TACO1: variants seen among roughly 807,000 people sequenced by gnomAD.
The protein encoded by TACO1 is translational activator of cytochrome c oxidase 1.
In TACO1, 13 loss-of-function variants were observed where a neutral mutation model predicts 24.0. The observed-to-expected ratio is 0.54, with a 90% CI of 0.35 to 0.86. TACO1 has a LOEUF of 0.86. Among genes scored for constraint, TACO1 ranks in the 40% least tolerant of loss-of-function variants. The pLI, the probability that TACO1 is intolerant of heterozygous loss-of-function variation, is 0.01. For missense variants in TACO1, 352 were observed against 380.1 expected, an observed-to-expected ratio of 0.93 and a Z score of 0.61; for synonymous variants, 149 against 153.5, an observed-to-expected ratio of 0.97 and a Z score of 0.22.
intron 2 of TACO1, among the ~76,000 whole-genome samples, chr17:63,604,944 G>A (rs1418034995): frequency 6.6e-6 from 1 of 151,758 alleles, no homozygotes; most frequent in Non-Finnish European, 1.5e-5. Context: ...AACCCAGGAG[G>A]TAGAGATTGC....
At chr17:63,601,539 G>A (rs2033821923) in intron 1 of TACO1, among the ~76,000 whole-genome samples, 176 bp downstream of exon 1, 1 of 152,212 alleles carries the variant, frequency 6.6e-6, no homozygotes, top group Non-Finnish European at 1.5e-5. Flanking sequence ...CTACGTTGGA[G>A]GTTCTCACTC....
At chr17:63,602,516 T>TTTTATTTATTTA (rs149776147) in intron 1 of TACO1, among the ~76,000 whole-genome samples, 1 of 151,366 alleles carries the variant, frequency 6.6e-6, no homozygotes, top group African/African-American at 2.4e-5. Flanking sequence ...TTCAAGCAAC[T>TTTTATTTATTTA]TTTATTTATT....
chr17:63,601,250 TC>T lies in TACO1; in HGVS notation c.171del (p.Ala58ProfsTer29). 1 of 1,609,570 alleles carries T rather than the reference TC, an allele frequency of 6.2e-7. No individual in the cohort carries two copies. Among genetic ancestry groups the T allele is most frequent in the East Asian group, 2.2e-5 (1 of 44,736 alleles). ...AGGACGCTGCACTTTACCGCGGCTG[TC>T]CCCGCCGGGCACAACAAGTGGTCCA... ...PGRTLHFTAA[V>X]PAGHNKWSKV... is the part of the protein sequence containing the mutation. On this transcript the variant is annotated frameshift_variant, in exon 1 of 5. Transcript: ENST00000258975. LOFTEE classifies it high-confidence loss of function.
rs1011269235 is a variant in TACO1 at position 63,608,344 on chromosome 17, A to G, written c.*342A>G. The G allele has an allele frequency of 5.3e-6, 2 of 374,872 alleles. No individual in the cohort carries two copies. The highest frequency in any genetic ancestry group is 3.7e-5 in the Admixed American group (1 of 27,042). The allele number at this position is 374,872 out of a possible 1,614,324, so 23.2% of individuals were successfully genotyped here. On this transcript the variant is annotated 3_prime_UTR_variant, in exon 5 of 5. Coordinates refer to ENST00000258975, the MANE Select transcript of TACO1 (RefSeq NM_016360.4). ...GTACTAGAAACTGCTCTTAATAATAACGGTGATTATTGGTTGCTGCATTGC... is the reference window on the plus strand; with the variant it reads ...GTACTAGAAACTGCTCTTAATAATAGCGGTGATTATTGGTTGCTGCATTGC...
At chr17:63,605,721 G>A (rs1197912812) in intron 2 of TACO1, among the ~76,000 whole-genome samples, 1 of 152,182 alleles carries the variant, frequency 6.6e-6, no homozygotes, top group Admixed American at 6.5e-5. Context: ...GAAAGAGGAA[G>A]GGAGAAGTTA....
intron 1 of TACO1, among the ~76,000 whole-genome samples, chr17:63,604,071 C>T (rs1433174271): frequency 1.3e-5 from 2 of 151,898 alleles, no homozygotes; most frequent in Non-Finnish European, 2.9e-5. Flanking sequence ...GGGGCAGTGG[C>T]TCACACTTGT....
At chr17:63,602,399 T>A (rs2033829313) in intron 1 of TACO1, among the ~76,000 whole-genome samples, 1 of 152,206 alleles carries the variant, frequency 6.6e-6, no homozygotes, top group South Asian at 2.1e-4. Flanking sequence ...CTTGAGGTAG[T>A]TTATGGTTTA....
intron 3 of TACO1, 29 bp downstream of exon 3, chr17:63,606,469 G>T: frequency 6.2e-7 from 1 of 1,613,766 alleles, no homozygotes; most frequent in Non-Finnish European, 8.5e-7. Flanking sequence ...GGAGTGGTAG[G>T]GGACAGAGCC....
intron 1 of TACO1, among the ~76,000 whole-genome samples, chr17:63,602,558 ACT>A (rs2033830311): frequency 6.6e-6 from 1 of 151,738 alleles, no homozygotes; most frequent in Admixed American, 6.6e-5. Flanking sequence ...ACAGAGTCTC[ACT>A]CTGTCACCCA....
In TACO1 at chr17:63,607,310, G is replaced by A. The variant is rs753606262; in HGVS notation, c.539G>A (p.Arg180His). ...KNGGVMAVGA[R>H]HSFDKKGVIV... ...AGAGGAGTGATGGCTGTAGGAGCTC[G>A]TCACTCTTTTGACAAAAAGGGGGTG... Residue 180 changes from arginine (R) to histidine (H), a missense_variant, in exon 4 of 5, where the codon CGT (arginine) becomes CAT (histidine). Transcript: ENST00000258975. The A allele has an allele frequency of 1.5e-5, 25 of 1,614,008 alleles. No individual in the cohort carries two copies. In the South Asian group the frequency reaches 1.8e-4, roughly 11 times the overall value.
At chr17:63,603,845 G>C (rs942531318) in intron 1 of TACO1, among the ~76,000 whole-genome samples, 5 of 151,600 alleles carry the variant, frequency 3.3e-5, no homozygotes, top group Admixed American at 1.3e-4. Flanking sequence ...GTGAAAACCT[G>C]AATCTACAAA....
At position 63,606,414 on chromosome 17, in the gene TACO1, C is replaced by T. The variant is rs757678405; in HGVS notation, c.489C>T (p.Asp163=). ...LSNSSHKCQA[D]IRHILNKNGG... is the part of the protein sequence containing the mutation. ...ACAGTAGCCACAAGTGCCAAGCAGA[C>T]ATTAGACATATCCTGAATAAGAATG... The change falls in exon 3 of 5, where the codon GAC becomes GAT. Residue 163 remains aspartate (D), a synonymous_variant. Coordinates refer to ENST00000258975, the MANE Select transcript of TACO1 (RefSeq NM_016360.4). 1 of 1,614,226 alleles carries T rather than the reference C, an allele frequency of 6.2e-7. No homozygotes were observed. The highest frequency in any genetic ancestry group is 1.3e-5 in the African/African-American group (1 of 75,062).
At chr17:63,606,261 A>C in intron 2 of TACO1, 52 bp from the exon 3 acceptor site, 1 of 1,611,130 alleles carries the variant, frequency 6.2e-7, no homozygotes, top group Middle Eastern at 2.2e-4. Context: ...CTGGGCTGAC[A>C]TGTGGGAAGG....
In TACO1 at chr17:63,606,460, G is replaced by T. The variant is rs1414173897; in HGVS notation, c.515+20G>T. ...GAATGGGTAAGTGTGCGTCTGGGAG[G>T]AGTGGTAGGGGACAGAGCCTTTATG... is the stretch of plus-strand genomic sequence containing the variant. On this transcript the variant is annotated intron_variant, in intron 3 of 4. Coordinates refer to ENST00000258975, the MANE Select transcript of TACO1 (RefSeq NM_016360.4). The T allele has an allele frequency of 1.2e-6, 2 of 1,614,032 alleles. No individual in the cohort carries two copies. The highest frequency in any genetic ancestry group is 1.1e-5 in the South Asian group (1 of 91,072).
rs995091576 is a variant in TACO1, at chr17:63,600,953, G to A, written c.-131G>A. The A allele has an allele frequency of 1.5e-5, 17 of 1,110,690 alleles. No individual in the cohort carries two copies. Among genetic ancestry groups the A allele is most frequent in the Admixed American group, 1.5e-4 (7 of 46,696 alleles). 68.8% of individuals were successfully genotyped at this position (1,110,690 alleles called of 1,614,324 possible). ...TTAGCTGTTGAGCCGCCCCGGGCGG[G>A]CCCAAGCCTTTGGATCTCAGGTGAC... On this transcript the variant is annotated 5_prime_UTR_variant, in exon 1 of 5. Coordinates refer to ENST00000258975, the MANE Select transcript of TACO1 (RefSeq NM_016360.4).
Position 63,604,632 on chromosome 17 carries a change from A to T in TACO1, c.379A>T (p.Lys127Ter). ...MPKSTIETAL[K>*]MEKSKDTYLL... ...CAAGTCAACGATTGAGACAGCACTG[A>T]AAATGGAGGTGTGTACTGTTTGACA... The change falls in exon 2 of 5, where the codon AAA becomes TAA. Residue 127 changes from lysine to a stop codon, truncating the protein, a stop_gained. Transcript: ENST00000258975. LOFTEE classifies it high-confidence loss of function. 6.2e-7 allele frequency: 1 copy of T among 1,613,852 alleles called. No individual in the cohort carries two copies. Among genetic ancestry groups the T allele is most frequent in the Non-Finnish European group, 8.5e-7 (1 of 1,179,734 alleles).
chr17:63,606,361 T>C lies in TACO1; in HGVS notation c.436T>C (p.Ser146Pro). ...LLYEGRGPGG[S>P]SLLIEALSNS... ...GTATGAGGGTCGAGGCCCTGGTGGC[T>C]CTTCTCTGCTCATCGAGGCATTATC... is the stretch of plus-strand genomic sequence containing the variant. The change falls in exon 3 of 5, where the codon TCT becomes CCT. Residue 146 changes from serine to proline, a missense_variant. Ser to Pro is a moderately conservative substitution (Grantham distance 74). Coordinates refer to ENST00000258975, the MANE Select transcript of TACO1 (RefSeq NM_016360.4). 1.2e-6 allele frequency: 2 copies of C among 1,614,118 alleles called. No individual in the cohort carries two copies. Among genetic ancestry groups the C allele is most frequent in the South Asian group, 1.1e-5 (1 of 91,082 alleles).
At position 63,601,243 on chromosome 17, in the gene TACO1, G is replaced by T. The variant is rs1413899360; in HGVS notation, c.160G>T (p.Ala54Ser). ...TCCGGGCAGGACGCTGCACTTTACC[G>T]CGGCTGTCCCCGCCGGGCACAACAA... ...AAPGRTLHFT[A>S]AVPAGHNKWS... The change falls in exon 1 of 5, where the codon GCG becomes TCG. Residue 54 changes from alanine (A) to serine (S), a missense_variant. Ala to Ser is a moderately conservative substitution (Grantham distance 99). Transcript: ENST00000258975. 1.2e-6 allele frequency: 2 copies of T among 1,607,244 alleles called. No individual in the cohort carries two copies. The highest frequency in any genetic ancestry group is 2.7e-5 in the African/African-American group (2 of 74,850).
intron 2 of TACO1, among the ~76,000 whole-genome samples, chr17:63,605,125 T>C (rs958662864): frequency 6.6e-6 from 1 of 151,956 alleles, no homozygotes; most frequent in African/African-American, 2.4e-5. Flanking sequence ...GGAGCACAAC[T>C]GGGAGTAGGA....
Sources: allele counts gnomAD v4.1 joint callset (sites outside exome capture counted in the v4.1 genomes callset), GRCh38; gene constraint gnomAD v4.1.1; transcripts MANE v1.5; gene names NCBI Gene and HGNC (gene_info 2026-07-23, HGNC 2026-07-21).